STPG2: variants seen among roughly 807,000 people sequenced by gnomAD.
The protein encoded by STPG2 is sperm-tail PG-rich repeat-containing protein 2.
STPG2 carries 56 observed loss-of-function variants against 54.2 expected under a neutral mutation model. The observed-to-expected ratio is 1.03, with a 90% confidence interval of 0.83 to 1.29. The LOEUF is 1.29. Among genes scored for constraint, STPG2 ranks in the 50% most tolerant of loss-of-function variants. STPG2 has a pLI of 0.00. For missense variants in STPG2, 596 were observed against 544.9 expected (o/e 1.09, Z -0.93); for synonymous variants, 200 against 181.8 (o/e 1.10, Z -0.81).
chr4:97,780,627 C>T (rs1281743430), intron 9 of STPG2, among the ~76,000 whole-genome samples: 9 of 134,360 alleles, frequency 6.7e-5, no homozygotes, highest in African/African-American at 2.6e-4. Context: ...ACAGAATATA[C>T]ATTCTTCTCA....
intron 10 of STPG2, among the ~76,000 whole-genome samples, chr4:97,600,205 T>C (rs1281326670): frequency 6.6e-6 from 1 of 152,148 alleles, no homozygotes; most frequent in Non-Finnish European, 1.5e-5. Context: ...AATTTATCTA[T>C]GCAAAAATCT....
At chr4:97,918,301 C>T (rs993132109) in intron 8 of STPG2, among the ~76,000 whole-genome samples, 3 of 152,018 alleles carry the variant, frequency 2.0e-5, no homozygotes, top group Non-Finnish European at 4.4e-5. Context: ...CCAAGATGTT[C>T]CAGATAAATT....
intron 10 of STPG2, among the ~76,000 whole-genome samples, chr4:97,589,276 T>A (rs933946244): frequency 1.3e-5 from 2 of 152,018 alleles, no homozygotes; most frequent in Admixed American, 1.3e-4. Context: ...GCATTATATA[T>A]GTGTGTTGTT....
At chr4:97,570,232 T>A (rs950228976) in intron 10 of STPG2, among the ~76,000 whole-genome samples, 11 of 152,172 alleles carry the variant, frequency 7.2e-5, no homozygotes, top group Non-Finnish European at 1.6e-4. Flanking sequence ...GTGTGAATTA[T>A]TAATTACCTA....
chr4:97,983,500 T>C (rs1269561655), intron 5 of STPG2, among the ~76,000 whole-genome samples: 5 of 152,220 alleles, frequency 3.3e-5, no homozygotes, highest in Admixed American at 6.5e-5. Context: ...CATTGACTCA[T>C]GAATGCCAAT....
At chr4:97,964,407 G>A (rs956260242) in intron 7 of STPG2, among the ~76,000 whole-genome samples, 2 of 152,130 alleles carry the variant, frequency 1.3e-5, no homozygotes, top group East Asian at 1.9e-4. Context: ...CCTTAAAAAG[G>A]AGGTGCAAGC....
intron 5 of STPG2, among the ~76,000 whole-genome samples, chr4:98,017,850 G>C (rs1736016546): frequency 6.6e-6 from 1 of 152,182 alleles, no homozygotes; most frequent in African/African-American, 2.4e-5. Flanking sequence ...GGTTTTAAAA[G>C]TGGCAGTTTA....
chr4:97,857,131 T>G (rs1416252444), intron 8 of STPG2, among the ~76,000 whole-genome samples: 1 of 152,206 alleles, frequency 6.6e-6, no homozygotes, highest in Non-Finnish European at 1.5e-5. Flanking sequence ...TTTTCTCTTG[T>G]ATCTCTGCTA....
At chr4:97,494,690 C>T (rs1460762952) in intron 4 of STPG2, among the ~76,000 whole-genome samples, 1 of 149,110 alleles carries the variant, frequency 6.7e-6, no homozygotes, top group Non-Finnish European at 1.5e-5. Context: ...CAAGCAAATG[C>T]TGTAATGGGA....
chr4:97,985,769 A>T (rs1275490364), intron 5 of STPG2, among the ~76,000 whole-genome samples: 1 of 152,224 alleles, frequency 6.6e-6, no homozygotes, highest in Non-Finnish European at 1.5e-5. Context: ...ATTTCTAAAA[A>T]TATATTTTAA....
intron 9 of STPG2, among the ~76,000 whole-genome samples, chr4:97,736,211 T>A (rs554693799): frequency 6.6e-6 from 1 of 152,014 alleles, no homozygotes; most frequent in African/African-American, 2.4e-5. Context: ...GAAAATAAAT[T>A]CAGAAAGGTG....
intron 5 of STPG2, among the ~76,000 whole-genome samples, chr4:98,086,825 C>T (rs1738533496): frequency 6.6e-6 from 1 of 152,122 alleles, no homozygotes; most frequent in Non-Finnish European, 1.5e-5. Context: ...TTCCCTGCTC[C>T]TCAGGCTTAG....
chr4:97,955,213 A>ATTT (rs140086064), intron 7 of STPG2, among the ~76,000 whole-genome samples: 7 of 137,394 alleles, frequency 5.1e-5, no homozygotes, highest in South Asian at 4.6e-4. Flanking sequence ...ATACAGAAGA[A>ATTT]TTTTTTTTTT....
intron 5 of STPG2, among the ~76,000 whole-genome samples, chr4:98,036,912 T>C (rs77157743): frequency 0.012 from 1,874 of 152,236 alleles, 27 homozygotes; most frequent in Non-Finnish European, 0.019. Flanking sequence ...ATAAAAATTG[T>C]ATGCTTTAAG....
rs1732190225 is a variant in STPG2 at position 97,923,305 on chromosome 4, C to CAA, written c.1044+20591_1044+20592insTT. Among the ~76,000 whole-genome samples, 22 of 151,856 alleles carry CAA rather than the reference C, an allele frequency of 1.4e-4. 1 individual carries two copies. The South Asian group carries it at 4.6e-3, about 31-fold the overall frequency. The stretch of plus-strand genomic sequence containing the variant: ...TGTGCGCAGCGCTTCCCCTCCCACC[C>CAA]CCCCCGCCATGGGCTCCTGTGTGGC... On this transcript the variant is annotated intron_variant, in intron 8 of 10. Transcript: ENST00000295268.
At chr4:98,069,035 A>T (rs1737920639) in intron 5 of STPG2, among the ~76,000 whole-genome samples, 1 of 152,124 alleles carries the variant, frequency 6.6e-6, no homozygotes, top group Non-Finnish European at 1.5e-5. Flanking sequence ...ACTTTATGCC[A>T]CTGAATTTCA....
chr4:97,486,524 T>TGGCGTGGA (rs1410253251), intron 4 of STPG2, among the ~76,000 whole-genome samples: 1 of 151,784 alleles, frequency 6.6e-6, no homozygotes, highest in African/African-American at 2.4e-5. Context: ...CAGTAGATGT[T>TGGCGTGGA]GGCGTGGATG....
intron 8 of STPG2, among the ~76,000 whole-genome samples, chr4:97,924,964 G>T (rs1345076024): frequency 6.6e-6 from 1 of 152,164 alleles, no homozygotes; most frequent in Admixed American, 6.5e-5. Flanking sequence ...CAGAGATTAT[G>T]TAGAATATGA....
chr4:97,540,692 C>G (rs1031031858), intron 4 of STPG2, among the ~76,000 whole-genome samples: 3 of 152,126 alleles, frequency 2.0e-5, no homozygotes, highest in African/African-American at 7.2e-5. Flanking sequence ...GACCAATATC[C>G]TTGATGAACA....
Sources: allele counts gnomAD v4.1 joint callset (sites outside exome capture counted in the v4.1 genomes callset), GRCh38; gene constraint gnomAD v4.1.1; transcripts MANE v1.5; gene names NCBI Gene and HGNC (gene_info 2026-07-23, HGNC 2026-07-21).